The following ZC3H12B variants were observed in gnomAD, a reference collection of about 807,000 sequenced individuals.
ZC3H12B encodes the protein probable ribonuclease ZC3H12B.
A neutral mutation model predicts 43.9 loss-of-function variants in ZC3H12B; 7 were observed. That is an observed-to-expected ratio of 0.16 (90% CI 0.09 to 0.30). The LOEUF is 0.30. Ranked by LOEUF, ZC3H12B falls within the 10% of genes least tolerant of loss-of-function variation. ZC3H12B has a pLI of 1.00. For missense variants in ZC3H12B, 475 were observed against 670.2 expected (o/e 0.71, Z 3.22); for synonymous variants, 222 against 241.7 (o/e 0.92, Z 0.76).
the ZC3H12B span, among the ~76,000 whole-genome samples, chrX:65,157,665 G>A: frequency 9.0e-6 from 1 of 111,020 alleles, no homozygotes; most frequent in East Asian, 2.8e-4. Flanking sequence ...CTTTTACCTG[G>A]ATAATTTAGT....
At chrX:65,260,950 A>C in the ZC3H12B span, among the ~76,000 whole-genome samples, 2 of 111,940 alleles carry the variant, frequency 1.8e-5, no homozygotes, top group Non-Finnish European at 3.8e-5. Context: ...GAATGAGATA[A>C]CTAATGTAAA....
chrX:65,484,009 G>A (rs1047451891), upstream of ZC3H12B, among the ~76,000 whole-genome samples: 2 of 112,026 alleles, frequency 1.8e-5, no homozygotes, highest in Non-Finnish European at 1.9e-5. Flanking sequence ...TCACTGATGG[G>A]CATTTAAGTT....
intron 2 of ZC3H12B, among the ~76,000 whole-genome samples, chrX:65,395,210 G>C (rs2066680612): frequency 9.0e-6 from 1 of 111,372 alleles, no homozygotes; most frequent in African/African-American, 3.3e-5. Context: ...TCTTTCTCTT[G>C]CCTGATTGCC....
chrX:65,300,477 G>T, the ZC3H12B span, among the ~76,000 whole-genome samples: 1 of 111,119 alleles, frequency 9.0e-6, no homozygotes, highest in African/African-American at 3.3e-5. Context: ...CTGAGAAAAA[G>T]ACCCCCATCC....
the ZC3H12B span, among the ~76,000 whole-genome samples, chrX:65,074,005 T>C: frequency 2.3e-3 from 263 of 112,266 alleles, 2 homozygotes; most frequent in African/African-American, 7.9e-3. Context: ...ATGCATCTAG[T>C]CAGCCATCTT....
At chrX:65,395,364 A>G (rs1162241841) in intron 2 of ZC3H12B, among the ~76,000 whole-genome samples, 1 of 111,679 alleles carries the variant, frequency 9.0e-6, no homozygotes, top group East Asian at 2.8e-4. Flanking sequence ...AGCTCTTATT[A>G]TTTTGAGATA....
At chrX:65,300,693 T>G in the ZC3H12B span, among the ~76,000 whole-genome samples, 1 of 111,043 alleles carries the variant, frequency 9.0e-6, no homozygotes, top group Non-Finnish European at 1.9e-5. Flanking sequence ...ATCCTCCCTA[T>G]ACCACCGCAG....
chrX:65,225,120 A>AC, the ZC3H12B span, among the ~76,000 whole-genome samples: 3 of 111,051 alleles, frequency 2.7e-5, no homozygotes, highest in Non-Finnish European at 5.7e-5. Context: ...ACTGGGAGGC[A>AC]CCCCCCAGTA....
chrX:65,286,702 AT>A, the ZC3H12B span, among the ~76,000 whole-genome samples: 2 of 110,540 alleles, frequency 1.8e-5, no homozygotes, highest in Non-Finnish European at 3.8e-5. Context: ...ATACATATAT[AT>A]TTTATACTTA....
the ZC3H12B span, among the ~76,000 whole-genome samples, chrX:65,132,393 T>C: frequency 1.8e-5 from 2 of 110,787 alleles, no homozygotes; most frequent in Non-Finnish European, 1.9e-5. Context: ...TGGGATGGGA[T>C]ACTGGCATTG....
chrX:65,492,017 G>C (rs992123117), intron 1 of ZC3H12B, among the ~76,000 whole-genome samples: 1 of 110,959 alleles, frequency 9.0e-6, no homozygotes, highest in Non-Finnish European at 1.9e-5. Flanking sequence ...ATAAGAAAGA[G>C]TGATTCTTGA....
the ZC3H12B span, among the ~76,000 whole-genome samples, chrX:65,156,416 C>T: frequency 9.0e-6 from 1 of 111,551 alleles, no homozygotes; most frequent in African/African-American, 3.3e-5. Context: ...AGTCTTGCTC[C>T]ATCGCCCATG....
the ZC3H12B span, among the ~76,000 whole-genome samples, chrX:65,213,280 C>T: frequency 9.0e-6 from 1 of 110,642 alleles, no homozygotes; most frequent in African/African-American, 3.3e-5. Context: ...CTATCTACCA[C>T]ATTTTATTTA....
At chrX:65,494,783 A>T (rs868528937) in intron 1 of ZC3H12B, among the ~76,000 whole-genome samples, 5 of 101,072 alleles carry the variant, frequency 4.9e-5, no homozygotes, top group African/African-American at 1.8e-4. Flanking sequence ...TCTGTCCCAA[A>T]AAATAAATAA....
At chrX:65,331,937 C>T in the ZC3H12B span, among the ~76,000 whole-genome samples, 4 of 110,991 alleles carry the variant, frequency 3.6e-5, no homozygotes, top group Admixed American at 2.9e-4. Context: ...CTCTTGTTGC[C>T]GTCTTAATTT....
chrX:65,310,284 A>G, the ZC3H12B span, among the ~76,000 whole-genome samples: 2 of 112,192 alleles, frequency 1.8e-5, no homozygotes, highest in Non-Finnish European at 3.8e-5. Flanking sequence ...CCTGAAACTG[A>G]TAAGCAACTT....
At chrX:65,192,242 A>G in the ZC3H12B span, among the ~76,000 whole-genome samples, 2 of 110,932 alleles carry the variant, frequency 1.8e-5, no homozygotes, top group Non-Finnish European at 3.8e-5. Context: ...ATTTTGGAAT[A>G]GGTGTGGTGT....
At chrX:65,197,739 G>T in the ZC3H12B span, among the ~76,000 whole-genome samples, 3 of 112,352 alleles carry the variant, frequency 2.7e-5, no homozygotes, top group Non-Finnish European at 5.6e-5. Context: ...TGGTAAACAT[G>T]GAAAAGCCGC....
chrX:65,277,001 G>A, the ZC3H12B span, among the ~76,000 whole-genome samples: 2 of 111,321 alleles, frequency 1.8e-5, no homozygotes, highest in African/African-American at 6.5e-5. Context: ...AAAGACACAC[G>A]TAGACTGAAA....
Sources: allele counts gnomAD v4.1 joint callset (sites outside exome capture counted in the v4.1 genomes callset), GRCh38; gene constraint gnomAD v4.1.1; transcripts MANE v1.5; gene names NCBI Gene and HGNC (gene_info 2026-07-23, HGNC 2026-07-21).